Variants in KCNQ5 observed in about 807,000 individuals in gnomAD.
KCNQ5 encodes potassium voltage-gated channel subfamily Q member 5.
Under a neutral mutation model 98.2 loss-of-function variants are expected in KCNQ5, and 30 were observed. The observed-to-expected ratio is 0.31, with a 90% CI of 0.23 to 0.41. KCNQ5 has a LOEUF of 0.41. Among genes scored for constraint, KCNQ5 ranks in the 10% least tolerant of loss-of-function variants. The pLI is 1.00. For missense variants in KCNQ5, 835 were observed against 1,182.5 expected, an observed-to-expected ratio of 0.71 and a Z score of 4.31; for synonymous variants, 458 against 449.4, an observed-to-expected ratio of 1.02 and a Z score of -0.24.
intron 2 of KCNQ5, among the ~76,000 whole-genome samples, chr6:73,039,164 C>T (rs1308095675): frequency 2.6e-5 from 4 of 151,988 alleles, no homozygotes; most frequent in Admixed American, 6.6e-5. Context: ...TTTTCAGTGG[C>T]GTAGAATCTA....
intron 1 of KCNQ5, among the ~76,000 whole-genome samples, chr6:72,915,654 CTG>C (rs1421243633): frequency 6.6e-6 from 1 of 151,958 alleles, no homozygotes; most frequent in Non-Finnish European, 1.5e-5. Context: ...AGACTTTTTC[CTG>C]TGTCATGTGT....
At chr6:72,915,290 G>C (rs1780088269) in intron 1 of KCNQ5, among the ~76,000 whole-genome samples, 1 of 152,108 alleles carries the variant, frequency 6.6e-6, no homozygotes, top group Non-Finnish European at 1.5e-5. Context: ...TCAGTTATAA[G>C]GGATGTCTAT....
intron 7 of KCNQ5, 53 bp downstream of exon 7, chr6:73,111,456 T>A: frequency 8.6e-7 from 1 of 1,167,134 alleles, no homozygotes; most frequent in South Asian, 1.3e-5. Flanking sequence ...TAGTGCTTGA[T>A]GGGTCATTTT....
intron 10 of KCNQ5, among the ~76,000 whole-genome samples, chr6:73,163,121 G>A (rs1365965827): frequency 1.3e-5 from 2 of 152,142 alleles, no homozygotes; most frequent in Admixed American, 6.5e-5. Context: ...CAGACTCAGT[G>A]GCTCACACCT....
chr6:73,085,771 C>G (rs955033922), intron 5 of KCNQ5, among the ~76,000 whole-genome samples: 1 of 152,204 alleles, frequency 6.6e-6, no homozygotes, highest in African/African-American at 2.4e-5. Flanking sequence ...AGCACATTGT[C>G]ACTTGGCTGT....
intron 3 of KCNQ5, among the ~76,000 whole-genome samples, chr6:73,075,748 A>G (rs974860369): frequency 1.3e-5 from 2 of 152,126 alleles, no homozygotes; most frequent in Non-Finnish European, 2.9e-5. Flanking sequence ...GAGCTGGTGG[A>G]AAAAGTCCTT....
chr6:72,928,261 A>G (rs1765532250), intron 1 of KCNQ5, among the ~76,000 whole-genome samples: 1 of 152,086 alleles, frequency 6.6e-6, no homozygotes, highest in Non-Finnish European at 1.5e-5. Context: ...AGACAGTTAT[A>G]CTAGACAGAT....
chr6:72,626,372 G>A (rs2154471410), intron 1 of KCNQ5, among the ~76,000 whole-genome samples: 1 of 152,350 alleles, frequency 6.6e-6, no homozygotes, highest in African/African-American at 2.4e-5. Flanking sequence ...CTTGAGTAAA[G>A]ATATGGAGTT....
intron 1 of KCNQ5, among the ~76,000 whole-genome samples, chr6:72,699,353 G>A (rs1768679374): frequency 6.6e-6 from 1 of 152,172 alleles, no homozygotes; most frequent in African/African-American, 2.4e-5. Flanking sequence ...TGAGATCAGT[G>A]GTTAAATGCT....
intron 1 of KCNQ5, among the ~76,000 whole-genome samples, chr6:72,897,146 A>C (rs1241862569): frequency 1.3e-5 from 2 of 152,130 alleles, no homozygotes; most frequent in African/African-American, 4.8e-5. Flanking sequence ...AAAGAAGGTA[A>C]AAGTGCAGAT....
At chr6:72,807,358 A>T (rs1311151331) in intron 1 of KCNQ5, among the ~76,000 whole-genome samples, 1 of 152,190 alleles carries the variant, frequency 6.6e-6, no homozygotes, top group East Asian at 1.9e-4. Flanking sequence ...TGATTGATTT[A>T]TGCAATAATT....
At chr6:72,756,140 A>G (rs748381908) in intron 1 of KCNQ5, among the ~76,000 whole-genome samples, 4 of 152,144 alleles carry the variant, frequency 2.6e-5, no homozygotes, top group Non-Finnish European at 5.9e-5. Context: ...TCCTACTCAC[A>G]TTTGTAGGGA....
intron 1 of KCNQ5, among the ~76,000 whole-genome samples, chr6:72,870,411 G>A (rs1778154893): frequency 6.6e-6 from 1 of 152,006 alleles, no homozygotes; most frequent in African/African-American, 2.4e-5. Flanking sequence ...GAGTAGCTGA[G>A]GCTAATTTTT....
intron 1 of KCNQ5, among the ~76,000 whole-genome samples, chr6:72,767,471 A>G (rs1772636081): frequency 6.6e-6 from 1 of 152,018 alleles, no homozygotes. Flanking sequence ...GCAATAGAAG[A>G]AAAAATTAGA....
intron 1 of KCNQ5, among the ~76,000 whole-genome samples, chr6:72,683,865 T>A (rs571222809): frequency 7.6e-4 from 116 of 152,330 alleles, no homozygotes; most frequent in African/African-American, 2.7e-3. Context: ...GAGCTTATAA[T>A]TTTATAATTG....
At chr6:73,157,021 G>A (rs1328382740) in intron 10 of KCNQ5, among the ~76,000 whole-genome samples, 1 of 152,230 alleles carries the variant, frequency 6.6e-6, no homozygotes, top group East Asian at 1.9e-4. Flanking sequence ...GGGTGCAGGG[G>A]CGAGGCGAGC....
intron 1 of KCNQ5, among the ~76,000 whole-genome samples, chr6:73,003,411 G>C (rs1562121843): frequency 6.6e-6 from 1 of 152,032 alleles, no homozygotes. Context: ...TAGCAAATGA[G>C]AATCCATGAG....
At chr6:72,776,002 G>T (rs977732493) in intron 1 of KCNQ5, among the ~76,000 whole-genome samples, 1 of 152,064 alleles carries the variant, frequency 6.6e-6, no homozygotes, top group African/African-American at 2.4e-5. Context: ...TATCAATATT[G>T]GTTCATTAAT....
intron 2 of KCNQ5, among the ~76,000 whole-genome samples, chr6:73,025,623 CAAAAAAAAAAAA>C (rs58607159): frequency 6.6e-4 from 35 of 53,014 alleles, no homozygotes; most frequent in Non-Finnish European, 1.7e-3. Flanking sequence ...AACTCCATCT[CAAAAAAAAAAAA>C]AAAAAAAAAA....
Sources: gnomAD v4.1 joint callset for allele counts (sites outside exome capture counted in the v4.1 genomes callset) on GRCh38, gnomAD v4.1.1 for gene constraint, MANE v1.5 for transcripts, NCBI Gene and HGNC (gene_info 2026-07-23, HGNC 2026-07-21) for gene names.